RHOU: variants seen among roughly 807,000 people sequenced by gnomAD.
RHOU encodes ras homolog family member U.
In RHOU, 8 loss-of-function variants were observed where a neutral mutation model predicts 12.6. That is an observed-to-expected ratio of 0.64 (90% CI 0.37 to 1.15). The LOEUF is 1.15. RHOU is among the 50% of genes most tolerant of loss of function. The pLI, the probability that RHOU is intolerant of heterozygous loss-of-function variation, is 0.01. For missense variants in RHOU, 258 were observed against 347.0 expected (o/e 0.74, Z 2.04); for synonymous variants, 161 against 147.4 (o/e 1.09, Z -0.67).
At chr1:228,646,848 A>G in the RHOU span, among the ~76,000 whole-genome samples, 1 of 151,958 alleles carries the variant, frequency 6.6e-6, no homozygotes, top group Non-Finnish European at 1.5e-5. Flanking sequence ...GGCTTGAAGG[A>G]GAGCAAGGAG....
At chr1:228,728,885 A>ATTTCT in the RHOU span, among the ~76,000 whole-genome samples, 35 of 149,308 alleles carry the variant, frequency 2.3e-4, no homozygotes, top group East Asian at 5.9e-3. Flanking sequence ...AGTTTTGTCA[A>ATTTCT]TTTCTTTTCT....
chr1:228,699,997 T>G, the RHOU span, among the ~76,000 whole-genome samples: 1 of 152,326 alleles, frequency 6.6e-6, no homozygotes, highest in African/African-American at 2.4e-5. Context: ...GTTTTAGTAA[T>G]CTACAACAGT....
chr1:228,667,971 G>A, the RHOU span, among the ~76,000 whole-genome samples: 1 of 152,194 alleles, frequency 6.6e-6, no homozygotes, highest in Non-Finnish European at 1.5e-5. Flanking sequence ...AACTGTACAT[G>A]AGTTTATGCT....
the RHOU span, among the ~76,000 whole-genome samples, chr1:228,699,568 G>A: frequency 6.7e-6 from 1 of 150,102 alleles, no homozygotes; most frequent in Non-Finnish European, 1.5e-5. Flanking sequence ...TATTTCATAA[G>A]AGGCCAAGTT....
chr1:228,682,958 T>C, the RHOU span, among the ~76,000 whole-genome samples: 2 of 152,068 alleles, frequency 1.3e-5, no homozygotes, highest in Non-Finnish European at 1.5e-5. Context: ...TGCTTTGACT[T>C]TTCTCAAAGG....
rs1662588291 is a variant in RHOU, at chr1:228,735,691, G to A, written c.-52G>A. On this transcript the variant is annotated 5_prime_UTR_variant, in exon 1 of 3. Coordinates refer to ENST00000366691, the MANE Select transcript of RHOU (RefSeq NM_021205.6). This position sits in a 1 kb window ranked among gnomAD's most constrained non-coding sequence, Gnocchi z 8.1. ...CCGCAACCCTCCGGGGCGGAGGGGC[G>A]GTCGGGCCGGGCCCTGCTAGCCCGC... 2 of 1,182,450 alleles carry A rather than the reference G, an allele frequency of 1.7e-6. No homozygotes were observed. The highest frequency in any genetic ancestry group is 7.3e-5 in the East Asian group (2 of 27,280). 73.2% of individuals were successfully genotyped at this position (1,182,450 alleles called of 1,614,324 possible).
At chr1:228,686,681 T>G in the RHOU span, among the ~76,000 whole-genome samples, 1 of 152,058 alleles carries the variant, frequency 6.6e-6, no homozygotes, top group Non-Finnish European at 1.5e-5. Flanking sequence ...GGCAACAGAG[T>G]CAGCTCTTAA....
At chr1:228,685,184 G>A in the RHOU span, among the ~76,000 whole-genome samples, 2 of 152,172 alleles carry the variant, frequency 1.3e-5, no homozygotes, top group Non-Finnish European at 2.9e-5. Flanking sequence ...GGTATTGGTG[G>A]GTTTTGGCTG....
the RHOU span, among the ~76,000 whole-genome samples, chr1:228,654,582 G>A: frequency 2.0e-5 from 3 of 152,170 alleles, no homozygotes; most frequent in Non-Finnish European, 4.4e-5. Flanking sequence ...CCCCATCACC[G>A]TGAGAATCTT....
At chr1:228,706,010 A>G in the RHOU span, among the ~76,000 whole-genome samples, 1 of 152,162 alleles carries the variant, frequency 6.6e-6, no homozygotes, top group South Asian at 2.1e-4. Context: ...GCACCATTGA[A>G]CTTCAGCTTG....
chr1:228,707,220 TATATATATAC>T, the RHOU span, among the ~76,000 whole-genome samples: 117 of 105,540 alleles, frequency 1.1e-3, 1 homozygote, highest in African/African-American at 5.6e-3. Flanking sequence ...TATATATACA[TATATATATAC>T]ATATGTATAT....
At chr1:228,663,557 C>A in the RHOU span, among the ~76,000 whole-genome samples, 2 of 150,976 alleles carry the variant, frequency 1.3e-5, no homozygotes, top group Non-Finnish European at 2.9e-5. Flanking sequence ...TATCTCAACA[C>A]ATAGCTGACA....
chr1:228,695,356 G>A, the RHOU span, among the ~76,000 whole-genome samples: 1 of 152,076 alleles, frequency 6.6e-6, no homozygotes, highest in East Asian at 1.9e-4. Context: ...AGACTTCTGG[G>A]ACCAATCTCT....
At chr1:228,650,003 C>A in the RHOU span, 1 of 332,892 alleles carries the variant, frequency 3.0e-6, no homozygotes, top group Non-Finnish European at 5.7e-6. Flanking sequence ...GATTTTTAAC[C>A]ATAATTATTC....
the RHOU span, among the ~76,000 whole-genome samples, chr1:228,663,556 A>ATAT: frequency 1.3e-5 from 2 of 150,698 alleles, no homozygotes; most frequent in Non-Finnish European, 3.0e-5. Flanking sequence ...ATATCTCAAC[A>ATAT]CATAGCTGAC....
the RHOU span, among the ~76,000 whole-genome samples, chr1:228,655,728 C>T: frequency 6.6e-6 from 1 of 152,220 alleles, no homozygotes; most frequent in Non-Finnish European, 1.5e-5. Flanking sequence ...AATCTAACTA[C>T]AGTACGATTG....
At chr1:228,669,479 C>A in the RHOU span, among the ~76,000 whole-genome samples, 1 of 152,172 alleles carries the variant, frequency 6.6e-6, no homozygotes, top group Non-Finnish European at 1.5e-5. Context: ...CTAATTTTTT[C>A]TTCTGAGAGC....
At chr1:228,707,128 A>ATATATATATATATATG in the RHOU span, among the ~76,000 whole-genome samples, 120 of 67,562 alleles carry the variant, frequency 1.8e-3, 2 homozygotes, top group East Asian at 0.017. Context: ...ATATATATAC[A>ATATATATATATATATG]TATATATATA....
upstream of RHOU, chr1:228,735,445 C>G (rs377167597): frequency 5.8e-5 from 12 of 208,246 alleles, no homozygotes; most frequent in Middle Eastern, 1.6e-3. This position sits in a 1 kb window ranked among gnomAD's most constrained non-coding sequence, Gnocchi z 8.1. Flanking sequence ...GCCCGCCCCC[C>G]ACGCGTCGTG....
Sources: gnomAD v4.1 joint callset for allele counts (sites outside exome capture counted in the v4.1 genomes callset) on GRCh38, gnomAD v4.1.1 for gene constraint, Gnocchi (gnomAD v3.1) non-coding constraint, MANE v1.5 for transcripts, NCBI Gene and HGNC (gene_info 2026-07-23, HGNC 2026-07-21) for gene names.